Variants in TRAM2 observed in about 807,000 individuals in gnomAD.
The protein encoded by TRAM2 is translocating chain-associated membrane protein 2.
Under a neutral mutation model 51.0 loss-of-function variants are expected in TRAM2, and 12 were observed. That is an observed-to-expected ratio of 0.24 (90% CI 0.15 to 0.38). The LOEUF is 0.38. TRAM2 is among the 10% of genes least tolerant of loss of function. The pLI is 1.00. For synonymous variants in TRAM2, 175 were observed against 179.4 expected (o/e 0.98, Z 0.20); for missense variants, 361 against 462.0 (o/e 0.78, Z 2.00).
chr6:52,544,545 G>A (rs77566288), intron 1 of TRAM2, among the ~76,000 whole-genome samples: 14,970 of 152,208 alleles, frequency 0.098, 1,343 homozygotes, highest in East Asian at 0.49. Context: ...TCCTCCTGTG[G>A]GAAATGCATC....
Position 52,507,616 on chromosome 6 carries a change from A to T in TRAM2, c.563T>A (p.Ile188Asn). Reference protein sequence around the residue: ...LYFQKVRKEEIPRQLQYICLY... With the variant: ...LYFQKVRKEENPRQLQYICLY... ...GCAAATATACTGGAGCTGGCGGGGA[A>T]TTTCCTCCTGGAAACAAGAGAAGCA... The change falls in exon 7 of 11, where the codon ATT becomes AAT. Residue 188 changes from isoleucine (I) to asparagine (N), a missense_variant. By Grantham distance (149) the Ile-to-Asn change is moderately radical. Transcript: ENST00000182527. 6.2e-7 allele frequency: 1 copy of T among 1,614,092 alleles called. No individual in the cohort carries two copies. The highest frequency in any genetic ancestry group is 8.5e-7 in the Non-Finnish European group (1 of 1,180,010).
chr6:52,517,644 G>T (rs773066911), intron 2 of TRAM2, among the ~76,000 whole-genome samples: 4 of 152,274 alleles, frequency 2.6e-5, no homozygotes, highest in African/African-American at 9.6e-5. Context: ...CCTGGTGGCC[G>T]TGTGCCTGGG....
chr6:52,562,040 T>C (rs979373606), intron 1 of TRAM2, among the ~76,000 whole-genome samples: 2 of 150,664 alleles, frequency 1.3e-5, no homozygotes, highest in Non-Finnish European at 3.0e-5. Context: ...TTTAAAATGG[T>C]AAATTTCATG....
intron 2 of TRAM2, among the ~76,000 whole-genome samples, chr6:52,534,380 C>CA (rs1476333301): frequency 6.6e-6 from 1 of 152,080 alleles, no homozygotes; most frequent in African/African-American, 2.4e-5. Flanking sequence ...AAACTCCATC[C>CA]AAACAAACAA....
chr6:52,507,441 T>C (rs1197092010), intron 7 of TRAM2, 112 bp downstream of exon 7: 3 of 1,068,536 alleles, frequency 2.8e-6, no homozygotes, highest in Non-Finnish European at 4.2e-6. Context: ...CTTAGCATAG[T>C]GCTAGGCACA....
At chr6:52,505,815 G>C (rs960463375) in intron 8 of TRAM2, 73 bp from the exon 9 acceptor site, 1 of 1,531,902 alleles carries the variant, frequency 6.5e-7, no homozygotes, top group Non-Finnish European at 8.8e-7. Flanking sequence ...TTCTCCAGAA[G>C]AGACCCCGAG....
intron 5 of TRAM2, 27 bp downstream of exon 5, chr6:52,509,501 C>T (rs373646827): frequency 1.4e-5 from 22 of 1,611,582 alleles, no homozygotes; most frequent in African/African-American, 1.3e-5. Context: ...TCGCTCCTCC[C>T]TGGGGCTGAG....
At chr6:52,533,951 C>T (rs994433175) in intron 2 of TRAM2, among the ~76,000 whole-genome samples, 4 of 151,946 alleles carry the variant, frequency 2.6e-5, no homozygotes, top group African/African-American at 7.3e-5. Context: ...ATTAGCCGGG[C>T]GTGGTGGTGC....
intron 9 of TRAM2, 147 bp from the exon 10 acceptor site, chr6:52,504,901 C>G: frequency 1.5e-6 from 1 of 660,758 alleles, no homozygotes; most frequent in Non-Finnish European, 2.6e-6. Flanking sequence ...TCGATACCAC[C>G]ACTATCACCA....
At chr6:52,551,883 T>C (rs958845175) in intron 1 of TRAM2, among the ~76,000 whole-genome samples, 1 of 152,252 alleles carries the variant, frequency 6.6e-6, no homozygotes, top group Non-Finnish European at 1.5e-5. Context: ...ACTGTTATGT[T>C]CATTTATTTT....
intron 4 of TRAM2, among the ~76,000 whole-genome samples, chr6:52,510,493 C>T (rs760117302): frequency 2.6e-5 from 4 of 152,080 alleles, no homozygotes; most frequent in Non-Finnish European, 5.9e-5. Context: ...GGTTTTTGTG[C>T]CCATGTGAGA....
intron 1 of TRAM2, among the ~76,000 whole-genome samples, chr6:52,562,493 A>G (rs2114104903): frequency 6.6e-6 from 1 of 152,324 alleles, no homozygotes; most frequent in Non-Finnish European, 1.5e-5. Flanking sequence ...TGTGCCCAAC[A>G]GAGTAACTTT....
chr6:52,512,169 GA>G (rs1298591024), intron 4 of TRAM2, among the ~76,000 whole-genome samples: 1 of 152,168 alleles, frequency 6.6e-6, no homozygotes, highest in African/African-American at 2.4e-5. Flanking sequence ...TGAGGTGGGA[GA>G]GAAAGTTTTG....
At chr6:52,570,691 A>C (rs1221743877) in intron 1 of TRAM2, among the ~76,000 whole-genome samples, 1 of 152,002 alleles carries the variant, frequency 6.6e-6, no homozygotes, top group Admixed American at 6.6e-5. Context: ...GTCACGAGGC[A>C]ACGTGGCTTG....
At chr6:52,516,577 C>G (rs775641518) in intron 3 of TRAM2, 51 bp downstream of exon 3, 1 of 1,514,780 alleles carries the variant, frequency 6.6e-7, no homozygotes. Flanking sequence ...GGTCCTCCAC[C>G]CCAAGGCACC....
At chr6:52,551,590 G>A (rs946089627) in intron 1 of TRAM2, among the ~76,000 whole-genome samples, 2 of 152,354 alleles carry the variant, frequency 1.3e-5, no homozygotes, top group Middle Eastern at 3.4e-3. Context: ...TAGCTTGGGG[G>A]CAGGTTGTCT....
At position 52,577,011 on chromosome 6, in the gene TRAM2, C is replaced by G; in HGVS notation, c.-96G>C. 7.7e-7 allele frequency: 1 copy of G among 1,298,128 alleles called. No homozygotes were observed. The highest frequency in any genetic ancestry group is 9.8e-7 in the Non-Finnish European group (1 of 1,023,902). The allele number at this position is 1,298,128 out of a possible 1,614,324, so 80.4% of individuals were successfully genotyped here. A position where few individuals can be genotyped will look rare whatever the true frequency, so the allele number is the denominator to read the frequency against. ...CACCGGCCCGGTCCGCCCGCCGGCC[C>G]GCCGCCCGCTCTCCCACAGCCGCTC... On this transcript the variant is annotated 5_prime_UTR_variant, in exon 1 of 11. Coordinates refer to ENST00000182527, the MANE Select transcript of TRAM2 (RefSeq NM_012288.4).
intron 1 of TRAM2, among the ~76,000 whole-genome samples, chr6:52,542,596 T>C (rs1371881489): frequency 2.0e-5 from 3 of 152,152 alleles, no homozygotes; most frequent in East Asian, 1.9e-4. Flanking sequence ...ACTGCCTTGA[T>C]ACAAAAATCA....
chr6:52,545,440 T>A (rs1435577178), intron 1 of TRAM2, among the ~76,000 whole-genome samples: 1 of 152,148 alleles, frequency 6.6e-6, no homozygotes, highest in Non-Finnish European at 1.5e-5. Context: ...GAAGCACAGA[T>A]AATCTCTCTG....
Sources: gnomAD v4.1 joint callset for allele counts (sites outside exome capture counted in the v4.1 genomes callset) on GRCh38, gnomAD v4.1.1 for gene constraint, MANE v1.5 for transcripts, NCBI Gene and HGNC (gene_info 2026-07-23, HGNC 2026-07-21) for gene names.